The following ARHGEF39 variants were observed in gnomAD, a reference collection of about 807,000 sequenced individuals.
ARHGEF39 encodes Rho guanine nucleotide exchange factor (GEF) 39.
In ARHGEF39, 45 loss-of-function variants were observed where a neutral mutation model predicts 47.5. The ratio of observed to expected loss-of-function variants is 0.95; its 90% CI spans 0.75 to 1.22. ARHGEF39 has a LOEUF of 1.22. Among genes scored for constraint, ARHGEF39 ranks in the 50% most tolerant of loss-of-function variants. ARHGEF39 has a pLI of 0.00. For synonymous variants in ARHGEF39, 164 were observed against 167.8 expected, an observed-to-expected ratio of 0.98 and a Z score of 0.17; for missense variants, 411 against 425.3, an observed-to-expected ratio of 0.97 and a Z score of 0.30.
Position 35,663,399 on chromosome 9 carries a change from TTC to T in ARHGEF39, c.474-9_474-8del. On this transcript the variant is annotated splice_region_variant and splice_polypyrimidine_tract_variant and intron_variant, in intron 4 of 8. Transcript: ENST00000378387. Reference sequence around the variant, plus strand: ...TACGACGAGATTCTCATACCTGGAATTCAACAGTGGGAAGTCTGAGGGGAAGC... The same window carrying T: ...TACGACGAGATTCTCATACCTGGAATAACAGTGGGAAGTCTGAGGGGAAGC... The T allele has an allele frequency of 6.2e-7, 1 of 1,612,798 alleles. No individual in the cohort carries two copies. The highest frequency in any genetic ancestry group is 8.5e-7 in the Non-Finnish European group (1 of 1,179,334).
At chr9:35,663,909 G>T in intron 4 of ARHGEF39, 99 bp downstream of exon 4, 1 of 1,289,304 alleles carries the variant, frequency 7.8e-7, no homozygotes, top group Non-Finnish European at 1.1e-6. Flanking sequence ...CAGGGTCGAG[G>T]CAAGAGTTTG....
At chr9:35,662,800 A>G (rs1324901013) in intron 6 of ARHGEF39, 59 bp from the exon 7 acceptor site, 3 of 1,522,200 alleles carry the variant, frequency 2.0e-6, no homozygotes, top group Non-Finnish European at 2.7e-6. Context: ...GAATAAGAGG[A>G]AAGGGAGGCT....
chr9:35,665,146 C>A lies in ARHGEF39; in HGVS notation c.24G>T (p.Ser8=). MELSCPG[S]RCPVQEQRAR... ...CACGCTGCTCTTGCACCGGGCACCG[C>A]GAACCGGGGCAGGAGAGCTCCATGC... Residue 8 remains serine, a synonymous_variant, in exon 1 of 9, where the codon TCG becomes TCT. Transcript: ENST00000378387. The A allele has an allele frequency of 6.5e-7, 1 of 1,539,550 alleles. No individual in the cohort carries two copies. The highest frequency in any genetic ancestry group is 8.8e-7 in the Non-Finnish European group (1 of 1,141,220).
chr9:35,664,152 A>G (rs1363636352), intron 3 of ARHGEF39, 26 bp from the exon 4 acceptor site: 3 of 1,604,574 alleles, frequency 1.9e-6, no homozygotes, highest in Middle Eastern at 1.7e-4. Flanking sequence ...AAGGATTGGA[A>G]GCAGGGAGAG....
Position 35,660,371 on chromosome 9 carries a change from C to G in ARHGEF39, c.*1616G>C. 6.4e-7 allele frequency: 1 copy of G among 1,551,814 alleles called. No homozygotes were observed. The highest frequency in any genetic ancestry group is 8.7e-7 in the Non-Finnish European group (1 of 1,148,706). ...GTGATGGAGCAGAACCTTGTTGCTT[C>G]AGTACTGCCCTTTCCTTCTTCCACA... is the stretch of plus-strand genomic sequence containing the variant. On this transcript the variant is annotated 3_prime_UTR_variant, in exon 9 of 9. Transcript: ENST00000378387.
At chr9:35,663,264 A>G in intron 5 of ARHGEF39, 58 bp downstream of exon 5, 1 of 1,589,542 alleles carries the variant, frequency 6.3e-7, no homozygotes, top group South Asian at 1.1e-5. Context: ...GGTCAGAATC[A>G]GAAAGGAATA....
rs1207290253 is a variant in ARHGEF39, at chr9:35,662,005, G to A, written c.993-3C>T. 1 of 1,613,910 alleles carries A rather than the reference G, an allele frequency of 6.2e-7. No individual in the cohort carries two copies. The highest frequency in any genetic ancestry group is 2.2e-5 in the East Asian group (1 of 44,874). ...GATTCCTCTAGTTTTTCTGGCTGCT[G>A]TGGAGAGAAGACAGTCAGTTCAGGC... On this transcript the variant is annotated splice_polypyrimidine_tract_variant and splice_region_variant and intron_variant, in intron 8 of 8. Transcript: ENST00000378387.
chr9:35,664,516 G>C, intron 2 of ARHGEF39, 24 bp from the exon 3 acceptor site: 2 of 1,584,166 alleles, frequency 1.3e-6, no homozygotes, highest in Non-Finnish European at 1.7e-6. Context: ...GACAGCAAAA[G>C]GGCAGCTCTA....
In ARHGEF39 at chr9:35,660,865, G is replaced by A. The variant is rs1823895833; in HGVS notation, c.*1122C>T. On this transcript the variant is annotated 3_prime_UTR_variant, in exon 9 of 9. Transcript: ENST00000378387. ...ATGGAGGCTTCAGAACCAGGTGAAG[G>A]CTCGGGAGGCGAGTCTGCTGGAGGT... 1 of 1,614,074 alleles carries A rather than the reference G, an allele frequency of 6.2e-7. No homozygotes were observed. Among genetic ancestry groups the A allele is most frequent in the Admixed American group, 1.7e-5 (1 of 60,006 alleles).
intron 3 of ARHGEF39, 49 bp from the exon 4 acceptor site, chr9:35,664,175 A>G (rs1824118960): frequency 6.4e-7 from 1 of 1,568,092 alleles, no homozygotes; most frequent in African/African-American, 1.4e-5. Flanking sequence ...GCCACTCCTT[A>G]TATTGCATTC....
Position 35,660,926 on chromosome 9 carries a change from C to G in ARHGEF39, c.*1061G>C, listed in dbSNP as rs371820543. ...TCTCTGAAACTGGAACATTCCTGATCTCTCCCCACACAGAGGCCAGCAGAC... is the reference window on the plus strand; with the variant it reads ...TCTCTGAAACTGGAACATTCCTGATGTCTCCCCACACAGAGGCCAGCAGAC... On this transcript the variant is annotated 3_prime_UTR_variant, in exon 9 of 9. Coordinates refer to ENST00000378387, the MANE Select transcript of ARHGEF39 (RefSeq NM_032818.3). 18 of 1,614,080 alleles carry G rather than the reference C, an allele frequency of 1.1e-5. No individual in the cohort carries two copies. The African/African-American group carries it at 2.3e-4, about 20-fold the overall frequency.
chr9:35,661,976 A>G lies in ARHGEF39; in HGVS notation c.*11T>C, dbSNP rs754678407. 7.4e-6 allele frequency: 12 copies of G among 1,613,454 alleles called. No individual in the cohort carries two copies. The highest frequency in any genetic ancestry group is 6.7e-5 in the East Asian group (3 of 44,884). ...TGAGGTATCCTGAGTTCTGGAATCTATAAGATTCCTCTAGTTTTTCTGGCT... is the reference window on the plus strand; with the variant it reads ...TGAGGTATCCTGAGTTCTGGAATCTGTAAGATTCCTCTAGTTTTTCTGGCT... On this transcript the variant is annotated 3_prime_UTR_variant, in exon 9 of 9. Transcript: ENST00000378387.
chr9:35,662,512 A>C lies in ARHGEF39; in HGVS notation c.903T>G (p.Ser301Arg), dbSNP rs766442720. Residue 301 changes from serine to arginine, a missense_variant and splice_region_variant, in exon 7 of 9, where the codon AGT becomes AGG. Transcript: ENST00000378387. The stretch of plus-strand genomic sequence containing the variant: ...TCTAGGGTTCCCACCTATTACTTAC[A>C]CTGAGCAACCCACCACAAGGGCCTC... ...HSGGPCGGLL[S>R]LSFPHEKLLL... The C allele has an allele frequency of 4.3e-6, 7 of 1,611,854 alleles. No homozygotes were observed. Among genetic ancestry groups the C allele is most frequent in the Admixed American group, 3.4e-5 (2 of 59,496 alleles).
At position 35,663,006 on chromosome 9, in the gene ARHGEF39, G is replaced by C. The variant is rs1824047677; in HGVS notation, c.613C>G (p.Gln205Glu). ...HTIGQKQKNDQHLRRVQALLS... is the reference protein window; with the variant it reads ...HTIGQKQKNDEHLRRVQALLS... ...AGAGCCTGGACACGCCGAAGGTGCT[G>C]GTCATTCTTCTGTTTCTGACCAATA... is the stretch of plus-strand genomic sequence containing the variant. The change falls in exon 6 of 9, where the codon CAG becomes GAG. Residue 205 changes from glutamine (Q) to glutamate (E), a missense_variant. By Grantham distance (29) the Gln-to-Glu change is conservative (BLOSUM62 2). Coordinates refer to ENST00000378387, the MANE Select transcript of ARHGEF39 (RefSeq NM_032818.3). 1 of 1,610,796 alleles carries C rather than the reference G, an allele frequency of 6.2e-7. No homozygotes were observed. Among genetic ancestry groups the C allele is most frequent in the Non-Finnish European group, 8.5e-7 (1 of 1,177,404 alleles).
intron 5 of ARHGEF39, 49 bp downstream of exon 5, chr9:35,663,273 T>A: frequency 6.3e-7 from 1 of 1,594,684 alleles, no homozygotes; most frequent in South Asian, 1.1e-5. Context: ...CAGAAAGGAA[T>A]ACAGGAGAGG....
intron 6 of ARHGEF39, 72 bp from the exon 7 acceptor site, chr9:35,662,813 G>C: frequency 6.6e-7 from 1 of 1,521,470 alleles, no homozygotes; most frequent in South Asian, 1.2e-5. Flanking sequence ...GGGAGGCTGA[G>C]AAAATAGGGG....
Position 35,663,374 on chromosome 9 carries a change from T to C in ARHGEF39, c.492A>G (p.Val164=), listed in dbSNP as rs746200498. The C allele has an allele frequency of 9.9e-6, 16 of 1,613,722 alleles. No individual in the cohort carries two copies. The East Asian group carries it at 3.6e-4, about 36-fold the overall frequency. ...TGGGACCTGTGTTTTCAGCCAAAGC[T>C]ACGACGAGATTCTCATACCTGGAAT... ...QRLQQYENLV[V]ALAENTGPNS... Residue 164 remains valine, a synonymous_variant, in exon 5 of 9, where the codon GTA becomes GTG. Coordinates refer to ENST00000378387, the MANE Select transcript of ARHGEF39 (RefSeq NM_032818.3).
chr9:35,661,524 C>T lies in ARHGEF39; in HGVS notation c.*463G>A. The stretch of plus-strand genomic sequence containing the variant: ...CACAACATAAAAATAGCCACATTTA[C>T]AAAGCTGCAGCCTTGATAAATGACG... On this transcript the variant is annotated 3_prime_UTR_variant, in exon 9 of 9. Transcript: ENST00000378387. 2.2e-6 allele frequency: 1 copy of T among 444,954 alleles called. No individual in the cohort carries two copies. Among genetic ancestry groups the T allele is most frequent in the African/African-American group, 2.0e-5 (1 of 49,234 alleles). 27.6% of individuals were successfully genotyped at this position (444,954 alleles called of 1,614,324 possible). A position where few individuals can be genotyped will look rare whatever the true frequency, so the allele number is the denominator to read the frequency against.
rs1251865541 is a variant in ARHGEF39, at chr9:35,662,642, G to A, written c.773C>T (p.Ala258Val). The A allele has an allele frequency of 3.1e-6, 5 of 1,613,028 alleles. No individual in the cohort carries two copies. The South Asian group carries it at 5.5e-5, about 18-fold the overall frequency. ...FFLFTDVLLM[A>V]KPRPPLHLLR... ...CAGGTGCAGTGGAGGCCGAGGCTTG[G>A]CCATGAGGAGCACATCAGTGAAGAG... The change falls in exon 7 of 9, where the codon GCC (alanine) becomes GTC (valine). Residue 258 changes from alanine (A) to valine (V), a missense_variant. By Grantham distance (64) the Ala-to-Val change is moderately conservative. Transcript: ENST00000378387.
Sources: allele counts gnomAD v4.1 joint callset, GRCh38; gene constraint gnomAD v4.1.1; transcripts MANE v1.5; gene names NCBI Gene and HGNC (gene_info 2026-07-23, HGNC 2026-07-21).